Variants in CLSTN2 observed in about 807,000 individuals in gnomAD.
CLSTN2 encodes calsyntenin 2, also known as calsyntenin-2.
CLSTN2 carries 48 observed loss-of-function variants against 101.2 expected under a neutral mutation model. That is an observed-to-expected ratio of 0.47 (90% CI 0.38 to 0.60). The LOEUF (loss-of-function observed/expected upper bound fraction) is 0.60. Among genes scored for constraint, CLSTN2 ranks in the 20% least tolerant of loss-of-function variants. The probability of loss-of-function intolerance (pLI) is 0.00; values close to 1 mark genes in which losing one functional copy is unlikely to be tolerated. For synonymous variants in CLSTN2, 481 were observed against 463.6 expected (o/e 1.04, Z -0.48); for missense variants, 1,160 against 1,238.2 (o/e 0.94, Z 0.95).
At chr3:140,265,005 T>TAA (rs2086683304) in intron 2 of CLSTN2, among the ~76,000 whole-genome samples, 1 of 152,154 alleles carries the variant, frequency 6.6e-6, no homozygotes, top group African/African-American at 2.4e-5. Context: ...CATAAAGTAT[T>TAA]GAGTGTGTGC....
chr3:140,491,788 C>T (rs1934357914), intron 8 of CLSTN2, among the ~76,000 whole-genome samples: 1 of 152,170 alleles, frequency 6.6e-6, no homozygotes, highest in African/African-American at 2.4e-5. Flanking sequence ...CACCACTGCA[C>T]TCCAGCCTGG....
chr3:140,201,236 G>C (rs1044349564), intron 2 of CLSTN2, among the ~76,000 whole-genome samples: 4 of 152,182 alleles, frequency 2.6e-5, no homozygotes, highest in Non-Finnish European at 5.9e-5. Context: ...AGGCTTTCTT[G>C]TGGGAGATGA....
At chr3:140,564,678 A>G (rs1306122959) in intron 16 of CLSTN2, among the ~76,000 whole-genome samples, 1 of 152,238 alleles carries the variant, frequency 6.6e-6, no homozygotes, top group Non-Finnish European at 1.5e-5. Flanking sequence ...TTAATCTTCC[A>G]ACAGCCAATA....
intron 1 of CLSTN2, among the ~76,000 whole-genome samples, chr3:140,080,504 G>A (rs770039293): frequency 2.0e-5 from 3 of 152,094 alleles, no homozygotes; most frequent in Non-Finnish European, 4.4e-5. Context: ...GCTCCTGTTT[G>A]GGTTCATATT....
intron 2 of CLSTN2, among the ~76,000 whole-genome samples, chr3:140,314,440 G>A (rs796931050): frequency 3.3e-5 from 5 of 152,122 alleles, no homozygotes; most frequent in South Asian, 4.2e-4. Flanking sequence ...TCCTGCTCCC[G>A]TTATACTGGA....
Position 140,459,695 on chromosome 3 carries a change from T to C in CLSTN2, c.1148T>C (p.Met383Thr). Residue 383 changes from methionine to threonine, a missense_variant, in exon 7 of 17, where the codon ATG becomes ACG. By Grantham distance (81) the Met-to-Thr change is moderately conservative. Coordinates refer to ENST00000458420, the MANE Select transcript of CLSTN2 (RefSeq NM_022131.3). ...CTGACCGATCAGTTCACCATCACCA[T>C]GTGGATGAAACACGGCCCCAGCCCT... ...KNLTDQFTIT[M>T]WMKHGPSPGV... 6.2e-7 allele frequency: 1 copy of C among 1,614,066 alleles called. No homozygotes were observed. The highest frequency in any genetic ancestry group is 1.1e-5 in the South Asian group (1 of 91,072).
intron 1 of CLSTN2, among the ~76,000 whole-genome samples, chr3:140,076,544 A>G (rs1295232602): frequency 1.3e-5 from 2 of 149,526 alleles, no homozygotes; most frequent in Non-Finnish European, 3.0e-5. Flanking sequence ...ATGGATGTCA[A>G]TGCCGGCCTC....
intron 2 of CLSTN2, among the ~76,000 whole-genome samples, chr3:140,350,262 G>T (rs1023936467): frequency 6.6e-6 from 1 of 152,192 alleles, no homozygotes; most frequent in African/African-American, 2.4e-5. Flanking sequence ...AGAAATCCAC[G>T]CTAATCTCAG....
At chr3:140,498,602 C>A (rs1934513284) in intron 8 of CLSTN2, among the ~76,000 whole-genome samples, 1 of 152,170 alleles carries the variant, frequency 6.6e-6, no homozygotes, top group African/African-American at 2.4e-5. Context: ...ACGCCATATG[C>A]AGTTTTGGTG....
At chr3:140,447,958 C>A (rs2108008373) in intron 5 of CLSTN2, among the ~76,000 whole-genome samples, 1 of 152,198 alleles carries the variant, frequency 6.6e-6, no homozygotes, top group South Asian at 2.1e-4. Context: ...TACAACAAGC[C>A]CCCATGACAC....
intron 2 of CLSTN2, among the ~76,000 whole-genome samples, chr3:140,230,160 G>T (rs1576475644): frequency 6.6e-6 from 1 of 152,022 alleles, no homozygotes; most frequent in African/African-American, 2.4e-5. Flanking sequence ...ATATCAGGCC[G>T]CAGCAAGCAG....
At chr3:140,432,710 G>A (rs1483987609) in intron 5 of CLSTN2, among the ~76,000 whole-genome samples, 2 of 152,190 alleles carry the variant, frequency 1.3e-5, no homozygotes, top group East Asian at 1.9e-4. Context: ...CCATGCTCAA[G>A]TCTGCTTTGA....
chr3:140,039,635 C>T (rs1367271905), intron 1 of CLSTN2, among the ~76,000 whole-genome samples: 1 of 152,162 alleles, frequency 6.6e-6, no homozygotes, highest in Non-Finnish European at 1.5e-5. Flanking sequence ...TGATTTTCTT[C>T]TCCACAACAA....
At chr3:139,994,443 G>A (rs1229051359) in intron 1 of CLSTN2, among the ~76,000 whole-genome samples, 2 of 152,118 alleles carry the variant, frequency 1.3e-5, no homozygotes, top group African/African-American at 4.8e-5. Context: ...CCTTACTTTA[G>A]ACTTCTGAAT....
Position 140,504,270 on chromosome 3 carries a change from A to G in CLSTN2, c.1345-28054A>G, listed in dbSNP as rs528170816. ...ATGAGAGCCTTTATTGTCATTAACAAGGGGTCCTTCTTGAAAAATAGCACT... is the reference window on the plus strand; with the variant it reads ...ATGAGAGCCTTTATTGTCATTAACAGGGGGTCCTTCTTGAAAAATAGCACT... On this transcript the variant is annotated intron_variant, in intron 8 of 16. Coordinates refer to ENST00000458420, the MANE Select transcript of CLSTN2 (RefSeq NM_022131.3). 3.3e-4 allele frequency among the ~76,000 whole-genome samples: 51 copies of G among 152,314 alleles called. No individual in the cohort carries two copies. In the South Asian group the frequency reaches 9.6e-3, roughly 29 times the overall value.
rs1007511587 is a variant in CLSTN2, at chr3:140,035,774, C to A, written c.109+100291C>A. On this transcript the variant is annotated intron_variant, in intron 1 of 16. Transcript: ENST00000458420. Reference sequence around the variant, plus strand: ...CTGAACACCAAAAGTTTTAGTATGGCTGTTAAGTCCCTGCAAGACCTGCCC... The same window carrying A: ...CTGAACACCAAAAGTTTTAGTATGGATGTTAAGTCCCTGCAAGACCTGCCC... Among the ~76,000 whole-genome samples the A allele has an allele frequency of 3.3e-5, 5 of 152,198 alleles. No individual in the cohort carries two copies. In the East Asian group the frequency reaches 9.6e-4, roughly 29 times the overall value.
intron 2 of CLSTN2, among the ~76,000 whole-genome samples, chr3:140,241,451 C>A (rs1174902032): frequency 1.3e-5 from 2 of 152,190 alleles, no homozygotes; most frequent in East Asian, 1.9e-4. Context: ...TTTTGAAGAT[C>A]GTGGAGAATA....
intron 9 of CLSTN2, among the ~76,000 whole-genome samples, chr3:140,537,675 C>T (rs1213783832): frequency 3.3e-5 from 5 of 152,212 alleles, no homozygotes; most frequent in African/African-American, 4.8e-5. Flanking sequence ...TTCTTTATTT[C>T]TCTCTGGGTC....
rs1158354447 is a variant in CLSTN2 at position 140,165,441 on chromosome 3, G to T, written c.110-10510G>T. 2.0e-5 allele frequency among the ~76,000 whole-genome samples: 3 copies of T among 152,162 alleles called. No individual in the cohort carries two copies. In the East Asian group the frequency reaches 5.8e-4, roughly 29 times the overall value. ...TTAGAATGGTGCCTCCCGGTCAAGG[G>T]GCCTCAGGGTTCTTCAGGAAATGGG... On this transcript the variant is annotated intron_variant, in intron 1 of 16. Coordinates refer to ENST00000458420, the MANE Select transcript of CLSTN2 (RefSeq NM_022131.3).
Sources: allele counts gnomAD v4.1 joint callset (sites outside exome capture counted in the v4.1 genomes callset), GRCh38; gene constraint gnomAD v4.1.1; transcripts MANE v1.5; gene names NCBI Gene and HGNC (gene_info 2026-07-23, HGNC 2026-07-21).